The following MED13L variants were observed in gnomAD, a reference collection of about 807,000 sequenced individuals.
The protein encoded by MED13L is mediator of RNA polymerase II transcription subunit 13-like.
MED13L carries 7 observed loss-of-function variants against 220.9 expected under a neutral mutation model. The observed-to-expected ratio is 0.03, with a 90% CI of 0.02 to 0.06. The LOEUF is 0.06. Among genes scored for constraint, MED13L ranks in the 10% least tolerant of loss-of-function variants. The pLI, the probability that MED13L is intolerant of heterozygous loss-of-function variation, is 1.00. For missense variants in MED13L, 1,965 were observed against 2,760.5 expected (o/e 0.71, Z 6.46); for synonymous variants, 1,011 against 1,015.2 (o/e 1.00, Z 0.08).
chr12:115,969,716 G>GT (rs563156251), intron 27 of MED13L, among the ~76,000 whole-genome samples: 51 of 152,116 alleles, frequency 3.4e-4, no homozygotes, highest in African/African-American at 1.2e-3. Context: ...TAGAGATGGG[G>GT]TTTCACCACG....
At position 116,277,228 on chromosome 12, in the gene MED13L, G is replaced by A; in HGVS notation, c.-97C>T. The A allele has an allele frequency of 1.7e-6, 1 of 584,902 alleles. No homozygotes were observed. The highest frequency in any genetic ancestry group is 2.7e-5 in the African/African-American group (1 of 37,400). The allele number at this position is 584,902 out of a possible 1,614,324, so 36.2% of individuals were successfully genotyped here. A position where few individuals can be genotyped will look rare whatever the true frequency, so the allele number is the denominator to read the frequency against. ...CGGCGGCGCCTCGCCGGGGAGCGCG[G>A]GGCGGCCGGGCCGCCGCCGCCGCCG... On this transcript the variant is annotated 5_prime_UTR_variant, in exon 1 of 31. Transcript: ENST00000281928.
At chr12:116,219,538 A>G (rs1180452801) in intron 2 of MED13L, among the ~76,000 whole-genome samples, 5 of 152,210 alleles carry the variant, frequency 3.3e-5, no homozygotes, top group African/African-American at 1.2e-4. Flanking sequence ...ATAAAGATTA[A>G]TTCATTGTTT....
At chr12:116,197,661 G>A (rs921924787) in intron 2 of MED13L, among the ~76,000 whole-genome samples, 6 of 152,060 alleles carry the variant, frequency 3.9e-5, no homozygotes, top group African/African-American at 1.4e-4. Context: ...AGCTACTCGG[G>A]AGGCTGAGGC....
chr12:116,136,083 A>C (rs1876526214), intron 2 of MED13L, among the ~76,000 whole-genome samples: 1 of 151,966 alleles, frequency 6.6e-6, no homozygotes, highest in Admixed American at 6.6e-5. Context: ...TTGTATTTTT[A>C]GTAGAGATGG....
intron 2 of MED13L, among the ~76,000 whole-genome samples, chr12:116,126,147 C>T (rs756147182): frequency 4.6e-5 from 7 of 152,194 alleles, no homozygotes; most frequent in Non-Finnish European, 2.9e-5. Context: ...GACCTAAACA[C>T]ACCAACACTG....
intron 2 of MED13L, among the ~76,000 whole-genome samples, chr12:116,119,291 A>G (rs1025362149): frequency 6.6e-6 from 1 of 152,150 alleles, no homozygotes; most frequent in African/African-American, 2.4e-5. Context: ...CGATGGAGAT[A>G]TCTTTCTGAC....
intron 4 of MED13L, among the ~76,000 whole-genome samples, chr12:116,048,571 T>C (rs984752735): frequency 1.3e-5 from 2 of 152,118 alleles, no homozygotes; most frequent in African/African-American, 2.4e-5. Flanking sequence ...CCAAGAAGTA[T>C]ACCTTGTGAT....
At chr12:116,107,153 G>A (rs1294868500) in intron 3 of MED13L, among the ~76,000 whole-genome samples, 1 of 152,158 alleles carries the variant, frequency 6.6e-6, no homozygotes, top group Non-Finnish European at 1.5e-5. Flanking sequence ...TCTTATCTCT[G>A]AAGGAAGTGA....
chr12:116,118,429 A>G (rs533948339), intron 2 of MED13L, among the ~76,000 whole-genome samples: 1 of 152,306 alleles, frequency 6.6e-6, no homozygotes, highest in Admixed American at 6.5e-5. Flanking sequence ...TGTCTTAGAT[A>G]TTGCATTGAA....
At chr12:116,082,703 A>C (rs1014600735) in intron 4 of MED13L, 2 of 152,072 alleles carry the variant, frequency 1.3e-5, no homozygotes, top group Non-Finnish European at 2.9e-5. Flanking sequence ...AAAAAAAAGA[A>C]CTCCATATTA....
intron 2 of MED13L, among the ~76,000 whole-genome samples, chr12:116,204,400 T>C (rs1368433112): frequency 6.6e-6 from 1 of 152,202 alleles, no homozygotes; most frequent in Non-Finnish European, 1.5e-5. Flanking sequence ...GAAGAACTTG[T>C]AAGAACTTTC....
intron 2 of MED13L, among the ~76,000 whole-genome samples, chr12:116,152,320 T>C (rs918993247): frequency 6.6e-6 from 1 of 152,242 alleles, no homozygotes; most frequent in Admixed American, 6.5e-5. Flanking sequence ...AAATAAACTT[T>C]AACAGCAGCC....
At chr12:116,191,948 A>C (rs908683639) in intron 2 of MED13L, among the ~76,000 whole-genome samples, 1 of 152,238 alleles carries the variant, frequency 6.6e-6, no homozygotes, top group Non-Finnish European at 1.5e-5. Context: ...AATACACACA[A>C]ACTATTAATT....
At chr12:115,984,101 G>C in intron 20 of MED13L, 79 bp downstream of exon 20, 1 of 1,406,904 alleles carries the variant, frequency 7.1e-7, no homozygotes, top group Admixed American at 1.9e-5. Context: ...ATATAATGTT[G>C]CATCTATAAA....
In MED13L at chr12:115,975,683, T is replaced by C. The variant is rs1387419880; in HGVS notation, c.5420A>G (p.Asp1807Gly). 1 of 1,614,008 alleles carries C rather than the reference T, an allele frequency of 6.2e-7. No homozygotes were observed. Among genetic ancestry groups the C allele is most frequent in the Admixed American group, 1.7e-5 (1 of 59,996 alleles). Reference sequence around the variant, plus strand: ...CGTCTCTCCCAGCTCTGTCTGCTTGTCTTTGATTGGGGCCAATATAAAGGG... The same window carrying C: ...CGTCTCTCCCAGCTCTGTCTGCTTGCCTTTGATTGGGGCCAATATAAAGGG... ...SPPFILAPIK[D>G]KQTELGETFG... Residue 1807 changes from aspartate (D) to glycine (G), a missense_variant, in exon 24 of 31, where the codon GAC (aspartate) becomes GGC (glycine). Coordinates refer to ENST00000281928, the MANE Select transcript of MED13L (RefSeq NM_015335.5).
chr12:116,276,606 A>G (rs1873861733), intron 1 of MED13L: 1 of 1,201,746 alleles, frequency 8.3e-7, no homozygotes, highest in Admixed American at 3.6e-5. Context: ...TGGAATTTAA[A>G]AAAATTCAAA....
chr12:115,997,664 C>T (rs1354502451), intron 14 of MED13L, among the ~76,000 whole-genome samples: 2 of 152,220 alleles, frequency 1.3e-5, no homozygotes, highest in East Asian at 1.9e-4. Context: ...TCAAGTGGCC[C>T]GCCTGCCTCG....
intron 2 of MED13L, among the ~76,000 whole-genome samples, chr12:116,197,900 A>G (rs1881743444): frequency 6.6e-6 from 1 of 152,232 alleles, no homozygotes; most frequent in Non-Finnish European, 1.5e-5. Flanking sequence ...TTTATCACCC[A>G]GCAATCCATT....
chr12:116,096,066 T>C (rs1441375647), intron 4 of MED13L, among the ~76,000 whole-genome samples: 1 of 151,874 alleles, frequency 6.6e-6, no homozygotes, highest in Admixed American at 6.6e-5. Flanking sequence ...AAAAAATCAA[T>C]GATGAGGCCG....
Sources: allele counts gnomAD v4.1 joint callset (sites outside exome capture counted in the v4.1 genomes callset), GRCh38; gene constraint gnomAD v4.1.1; transcripts MANE v1.5; gene names NCBI Gene and HGNC (gene_info 2026-07-23, HGNC 2026-07-21).